The following SMAD9 variants were observed in gnomAD, a reference collection of about 807,000 sequenced individuals.
SMAD9 encodes SMAD family member 9.
In SMAD9, 36 loss-of-function variants were observed where a neutral mutation model predicts 46.1. That is an observed-to-expected ratio of 0.78 (90% CI 0.60 to 1.03). The LOEUF is 1.03. SMAD9 is among the 50% of genes least tolerant of loss of function. SMAD9 has a pLI of 0.00. For missense variants in SMAD9, 572 were observed against 599.8 expected, an observed-to-expected ratio of 0.95 and a Z score of 0.48; for synonymous variants, 245 against 237.1, an observed-to-expected ratio of 1.03 and a Z score of -0.31.
chr13:36,882,790 G>C (rs978406115), intron 1 of SMAD9, among the ~76,000 whole-genome samples: 1 of 152,126 alleles, frequency 6.6e-6, no homozygotes, highest in Non-Finnish European at 1.5e-5. Flanking sequence ...ATTTTTAATA[G>C]AAAAATTAAT....
intron 1 of SMAD9, among the ~76,000 whole-genome samples, chr13:36,901,718 G>A (rs2058577831): frequency 6.6e-6 from 1 of 152,170 alleles, no homozygotes; most frequent in Non-Finnish European, 1.5e-5. Context: ...ATGAGCCACT[G>A]TGCCCGGTCC....
chr13:36,907,065 G>A (rs923284833), intron 1 of SMAD9, among the ~76,000 whole-genome samples: 8 of 152,166 alleles, frequency 5.3e-5, no homozygotes, highest in African/African-American at 1.9e-4. Context: ...AAAAAGGAAT[G>A]AAATTTTGAC....
intron 1 of SMAD9, among the ~76,000 whole-genome samples, chr13:36,915,635 T>C (rs930951833): frequency 2.0e-5 from 3 of 152,154 alleles, no homozygotes; most frequent in African/African-American, 4.8e-5. Flanking sequence ...CAGAACTACA[T>C]AGGTCTCCTT....
intron 3 of SMAD9, among the ~76,000 whole-genome samples, chr13:36,870,853 G>A (rs986031687): frequency 2.0e-5 from 3 of 152,098 alleles, no homozygotes; most frequent in African/African-American, 7.2e-5. Flanking sequence ...TATTAAATCA[G>A]AGTGACCTCA....
chr13:36,900,876 A>G (rs184888385), intron 1 of SMAD9, among the ~76,000 whole-genome samples: 63 of 152,326 alleles, frequency 4.1e-4, no homozygotes, highest in African/African-American at 1.5e-3. Flanking sequence ...ACCTAGTTCC[A>G]AAACATTTTG....
intron 6 of SMAD9, among the ~76,000 whole-genome samples, chr13:36,851,087 G>A (rs533624248): frequency 1.3e-5 from 2 of 152,096 alleles, no homozygotes; most frequent in African/African-American, 4.8e-5. Flanking sequence ...CAGGCAGGGC[G>A]ATCCTTTAAG....
intron 1 of SMAD9, among the ~76,000 whole-genome samples, chr13:36,884,650 C>T (rs1239709110): frequency 6.6e-6 from 1 of 152,162 alleles, no homozygotes; most frequent in African/African-American, 2.4e-5. Flanking sequence ...GTACAGGAGA[C>T]ATAAGCTTTT....
chr13:36,901,617 G>A (rs1197869964), intron 1 of SMAD9, among the ~76,000 whole-genome samples: 1 of 152,054 alleles, frequency 6.6e-6, no homozygotes, highest in Non-Finnish European at 1.5e-5. Flanking sequence ...TAGTACAGAC[G>A]AGGTTTTGCC....
In SMAD9 at chr13:36,879,399, G is replaced by A. The variant is rs1276502163; in HGVS notation, c.291C>T (p.Arg97=). ...CGTGGTGGGACTGCAGATCCGGCCAGCGCCACACGCGACAGTAAATCACAT... is the reference window on the plus strand; with the variant it reads ...CGTGGTGGGACTGCAGATCCGGCCAACGCCACACGCGACAGTAAATCACAT... ...LPHVIYCRVW[R]WPDLQSHHEL... is the part of the protein sequence containing the mutation. The change falls in exon 2 of 7, where the codon CGC becomes CGT. Residue 97 remains arginine, a synonymous_variant. Transcript: ENST00000379826. 1 of 1,614,068 alleles carries A rather than the reference G, an allele frequency of 6.2e-7. No individual in the cohort carries two copies. Among genetic ancestry groups the A allele is most frequent in the South Asian group, 1.1e-5 (1 of 91,092 alleles).
intron 1 of SMAD9, among the ~76,000 whole-genome samples, chr13:36,916,177 T>A (rs2058697220): frequency 6.6e-6 from 1 of 152,176 alleles, no homozygotes; most frequent in South Asian, 2.1e-4. Flanking sequence ...TTAAAAACAG[T>A]ATCAATTTTT....
At chr13:36,892,634 C>T (rs961599061) in intron 1 of SMAD9, among the ~76,000 whole-genome samples, 1 of 152,152 alleles carries the variant, frequency 6.6e-6, no homozygotes, top group African/African-American at 2.4e-5. Context: ...GATCGGACTA[C>T]ATCAGGAACG....
intron 1 of SMAD9, among the ~76,000 whole-genome samples, chr13:36,885,382 A>AACAC (rs58162253): frequency 3.3e-3 from 493 of 150,446 alleles, no homozygotes; most frequent in African/African-American, 0.011. Flanking sequence ...CTGGGCTTAA[A>AACAC]ACACACACAC....
At chr13:36,853,270 G>A in intron 6 of SMAD9, 149 bp downstream of exon 6, 2 of 771,050 alleles carry the variant, frequency 2.6e-6, no homozygotes, top group South Asian at 3.3e-5. Flanking sequence ...GTGTGACAGA[G>A]TGAAACTCCG....
At chr13:36,915,543 CAA>C (rs1339325233) in intron 1 of SMAD9, among the ~76,000 whole-genome samples, 12 of 151,090 alleles carry the variant, frequency 7.9e-5, no homozygotes, top group South Asian at 2.1e-4. Context: ...AAGAATGAGA[CAA>C]AGAGAGAGAG....
At chr13:36,887,490 T>C (rs939097898) in intron 1 of SMAD9, among the ~76,000 whole-genome samples, 2 of 152,096 alleles carry the variant, frequency 1.3e-5, no homozygotes, top group African/African-American at 4.8e-5. Context: ...CCCAAAGTGC[T>C]GGGATTACAG....
chr13:36,905,457 TAAAAATTATTACTTC>T (rs2058611158), intron 1 of SMAD9, among the ~76,000 whole-genome samples: 1 of 152,096 alleles, frequency 6.6e-6, no homozygotes, highest in Non-Finnish European at 1.5e-5. Context: ...GGAGCCGTTT[TAAAAATTATTACTTC>T]CGGCCAGACA....
intron 6 of SMAD9, among the ~76,000 whole-genome samples, chr13:36,850,514 G>T (rs2058065842): frequency 6.6e-6 from 1 of 152,166 alleles, no homozygotes; most frequent in Non-Finnish European, 1.5e-5. Context: ...CAAGTGCTGA[G>T]ATTACAGGCA....
chr13:36,897,849 C>CTT (rs574741770), intron 1 of SMAD9, among the ~76,000 whole-genome samples: 1,446 of 89,924 alleles, frequency 0.016, 7 homozygotes, highest in Middle Eastern at 0.028. Context: ...TGTCCTGTGT[C>CTT]TTTTTTTTTT....
chr13:36,895,333 A>G (rs2058519367), intron 1 of SMAD9, among the ~76,000 whole-genome samples: 1 of 152,206 alleles, frequency 6.6e-6, no homozygotes, highest in Admixed American at 6.5e-5. Context: ...ATCGATCTAA[A>G]GATCTAGCAT....
Sources: allele counts gnomAD v4.1 joint callset (sites outside exome capture counted in the v4.1 genomes callset), GRCh38; gene constraint gnomAD v4.1.1; transcripts MANE v1.5; gene names NCBI Gene and HGNC (gene_info 2026-07-23, HGNC 2026-07-21).